Variants in MNAT1 observed in about 807,000 individuals in gnomAD.
The protein encoded by MNAT1 is MNAT1 component of CDK activating kinase, also known as CDK-activating kinase assembly factor MAT1.
MNAT1 carries 43 observed loss-of-function variants against 42.0 expected under a neutral mutation model. The observed-to-expected ratio is 1.02, with a 90% CI of 0.80 to 1.32. The LOEUF is 1.32. MNAT1 is among the 40% of genes most tolerant of loss of function. MNAT1 has a pLI of 0.00. For missense variants in MNAT1, 306 were observed against 350.4 expected (o/e 0.87, Z 1.01); for synonymous variants, 118 against 120.0 (o/e 0.98, Z 0.11).
At position 60,796,271 on chromosome 14, in the gene MNAT1, G is replaced by A. The variant is rs752348730; in HGVS notation, c.144G>A (p.Glu48=). ...TGAGAGGAGCTGGAAACTGCCCTGA[G>A]TGTGGTACTCCACTCAGAAAGAGCA... ...LFVRGAGNCP[E]CGTPLRKSNF... The change falls in exon 2 of 8, where the codon GAG becomes GAA. Residue 48 remains glutamate, a synonymous_variant. Coordinates refer to ENST00000261245, the MANE Select transcript of MNAT1 (RefSeq NM_002431.4). The A allele has an allele frequency of 5.0e-6, 8 of 1,613,592 alleles. No individual in the cohort carries two copies. The African/African-American group carries it at 8.0e-5, about 16-fold the overall frequency.
At chr14:60,846,335 C>T (rs959736574) in intron 6 of MNAT1, among the ~76,000 whole-genome samples, 6 of 151,966 alleles carry the variant, frequency 3.9e-5, no homozygotes, top group Admixed American at 6.5e-5. Flanking sequence ...ATCAACCTAG[C>T]GGTGTGACAG....
intron 1 of MNAT1, among the ~76,000 whole-genome samples, chr14:60,778,038 T>C (rs1337824170): frequency 6.6e-6 from 1 of 152,138 alleles, no homozygotes; most frequent in East Asian, 1.9e-4. Context: ...TCTAACTTGG[T>C]GATAGTGGGT....
chr14:60,908,621 CT>C (rs1480538779), intron 7 of MNAT1, among the ~76,000 whole-genome samples: 35 of 152,276 alleles, frequency 2.3e-4, no homozygotes, highest in South Asian at 1.5e-3. Context: ...TGGTTTCCAG[CT>C]TCATCCATGT....
chr14:60,822,793 G>A (rs958016), intron 6 of MNAT1, among the ~76,000 whole-genome samples: 143,864 of 152,036 alleles, frequency 0.95, 68,336 homozygotes, highest in Non-Finnish European at 0.99. Context: ...GTCTTGGTCT[G>A]TCGACCAGGC....
At chr14:60,917,404 A>G (rs2035545184) in intron 7 of MNAT1, among the ~76,000 whole-genome samples, 1 of 152,196 alleles carries the variant, frequency 6.6e-6, no homozygotes, top group South Asian at 2.1e-4. Context: ...AAACAATTTT[A>G]TTAGAAAATT....
chr14:60,796,432 T>C, intron 2 of MNAT1, 63 bp downstream of exon 2: 6 of 1,456,436 alleles, frequency 4.1e-6, no homozygotes, highest in Non-Finnish European at 5.6e-6. Context: ...TGTCAGTAAT[T>C]GATTATTATT....
At chr14:60,774,838 T>C (rs1480645741) in intron 1 of MNAT1, among the ~76,000 whole-genome samples, 3 of 152,156 alleles carry the variant, frequency 2.0e-5, no homozygotes, top group Non-Finnish European at 4.4e-5. Flanking sequence ...TAGGAATAAC[T>C]GGGGGAGGAG....
chr14:60,820,149 ACTGGTAAAAGACCAGTAAACT>A (rs1238718485), intron 6 of MNAT1, among the ~76,000 whole-genome samples: 1 of 152,076 alleles, frequency 6.6e-6, no homozygotes, highest in East Asian at 1.9e-4. Flanking sequence ...GTGGGAGTTT[ACTGGTAAAAGACCAGTAAACT>A]CAGTAATTTT....
chr14:60,796,194 A>T, intron 1 of MNAT1, 23 bp from the exon 2 acceptor site: 1 of 1,596,680 alleles, frequency 6.3e-7, no homozygotes, highest in East Asian at 2.3e-5. Flanking sequence ...CTTAAATGTT[A>T]TGTTTTATTT....
Position 60,837,696 on chromosome 14 carries a change from C to G in MNAT1, c.687+18849C>G, listed in dbSNP as rs145497209. Among the ~76,000 whole-genome samples the G allele has an allele frequency of 2.6e-5, 4 of 152,332 alleles. No individual in the cohort carries two copies. In the East Asian group the frequency reaches 7.7e-4, roughly 29 times the overall value. Reference sequence around the variant, plus strand: ...CTTGCCCTCTTTTGTTACTTTTAATCAGAGCCTCTCCTAGATGCTGCCATG... The same window carrying G: ...CTTGCCCTCTTTTGTTACTTTTAATGAGAGCCTCTCCTAGATGCTGCCATG... On this transcript the variant is annotated intron_variant, in intron 6 of 7. Transcript: ENST00000261245.
At chr14:60,752,414 GTTTTA>G (rs1369734679) in intron 1 of MNAT1, among the ~76,000 whole-genome samples, 1 of 151,958 alleles carries the variant, frequency 6.6e-6, no homozygotes, top group Admixed American at 6.6e-5. Context: ...TGTCTATTAT[GTTTTA>G]TTGAAAAAAT....
At chr14:60,941,567 A>C (rs1337484119) in intron 7 of MNAT1, among the ~76,000 whole-genome samples, 1 of 151,966 alleles carries the variant, frequency 6.6e-6, no homozygotes, top group East Asian at 1.9e-4. Context: ...TTAGCCAGGT[A>C]TGGTGGTATG....
intron 5 of MNAT1, among the ~76,000 whole-genome samples, chr14:60,816,159 T>C (rs1043845803): frequency 1.3e-5 from 2 of 152,154 alleles, no homozygotes; most frequent in Non-Finnish European, 2.9e-5. Flanking sequence ...TTGGTTCTGG[T>C]CTTTGTGCCA....
In MNAT1 at chr14:60,969,216, G is replaced by C. The variant is rs1156872107; in HGVS notation, c.*867G>C. The C allele has an allele frequency of 6.6e-6, 1 of 152,144 alleles. No individual in the cohort carries two copies. The highest frequency in any genetic ancestry group is 2.4e-5 in the African/African-American group (1 of 41,428). 9.4% of individuals were successfully genotyped at this position (152,144 alleles called of 1,614,324 possible). A position where few individuals can be genotyped will look rare whatever the true frequency, so the allele number is the denominator to read the frequency against. On this transcript the variant is annotated 3_prime_UTR_variant, in exon 8 of 8. Coordinates refer to ENST00000261245, the MANE Select transcript of MNAT1 (RefSeq NM_002431.4). ...CAAAGGCTTTTATTACCAGGGTTTTGCTTAAAGAGTTTAGATATGAATAGG... is the reference window on the plus strand; with the variant it reads ...CAAAGGCTTTTATTACCAGGGTTTTCCTTAAAGAGTTTAGATATGAATAGG...
chr14:60,752,865 A>G (rs1357511981), intron 1 of MNAT1, among the ~76,000 whole-genome samples: 1 of 152,130 alleles, frequency 6.6e-6, no homozygotes, highest in Non-Finnish European at 1.5e-5. Flanking sequence ...CCTGGGTTGG[A>G]GCAGTTCTCC....
chr14:60,789,806 T>C (rs1342420070), intron 1 of MNAT1, among the ~76,000 whole-genome samples: 1 of 152,220 alleles, frequency 6.6e-6, no homozygotes, highest in Non-Finnish European at 1.5e-5. Context: ...AAAATGTTCT[T>C]GGCTTAGAGC....
At chr14:60,938,561 A>G (rs1444534728) in intron 7 of MNAT1, among the ~76,000 whole-genome samples, 2 of 152,206 alleles carry the variant, frequency 1.3e-5, no homozygotes. Flanking sequence ...CCAGCCTTGC[A>G]TCCCAGGAAT....
intron 6 of MNAT1, among the ~76,000 whole-genome samples, chr14:60,861,850 T>C (rs1346628779): frequency 6.6e-6 from 1 of 152,208 alleles, no homozygotes; most frequent in Admixed American, 6.5e-5. Context: ...ATTCCTGTTA[T>C]TAGAGATATT....
chr14:60,906,348 GAA>G (rs2035199747), intron 7 of MNAT1, among the ~76,000 whole-genome samples: 9 of 152,266 alleles, frequency 5.9e-5, no homozygotes, highest in Admixed American at 5.2e-4. Context: ...GGAGAATTTT[GAA>G]CAGAAGTTGC....
Sources: gnomAD v4.1 joint callset for allele counts (sites outside exome capture counted in the v4.1 genomes callset) on GRCh38, gnomAD v4.1.1 for gene constraint, MANE v1.5 for transcripts, NCBI Gene and HGNC (gene_info 2026-07-23, HGNC 2026-07-21) for gene names.